Variants in SLC25A21 observed in about 807,000 individuals in gnomAD.
The protein encoded by SLC25A21 is solute carrier family 25 member 21.
SLC25A21 carries 47 observed loss-of-function variants against 43.8 expected under a neutral mutation model. The ratio of observed to expected loss-of-function variants is 1.07; its 90% CI spans 0.85 to 1.37. The LOEUF (loss-of-function observed/expected upper bound fraction) is 1.37, where lower values mean the gene tolerates loss of function less well. SLC25A21 is among the 40% of genes most tolerant of loss of function. The probability of loss-of-function intolerance (pLI) is 0.00; values close to 1 mark genes in which losing one functional copy is unlikely to be tolerated. For synonymous variants in SLC25A21, 131 were observed against 121.3 expected (o/e 1.08, Z -0.52); for missense variants, 352 against 350.2 (o/e 1.00, Z -0.04).
chr14:36,971,449 C>T lies in SLC25A21; in HGVS notation c.71-96445G>A, dbSNP rs570322095. On this transcript the variant is annotated intron_variant, in intron 1 of 9. Transcript: ENST00000331299. ...AAGATGGCGCTGGCCAAGTAGAAAGCCCATTTGCATAATAAGATTAGGGTG... is the reference window on the plus strand; with the variant it reads ...AAGATGGCGCTGGCCAAGTAGAAAGTCCATTTGCATAATAAGATTAGGGTG... Among the ~76,000 whole-genome samples the T allele has an allele frequency of 2.2e-4, 34 of 152,228 alleles. 1 individual carries two copies. The highest frequency in any genetic ancestry group is 7.7e-4 in the African/African-American group (32 of 41,534).
At chr14:37,089,935 T>G (rs1338737308) in intron 1 of SLC25A21, among the ~76,000 whole-genome samples, 1 of 152,198 alleles carries the variant, frequency 6.6e-6, no homozygotes, top group Non-Finnish European at 1.5e-5. Context: ...TGCCTGAAAT[T>G]ATGATGAATG....
chr14:36,969,037 G>C (rs1469596814), intron 1 of SLC25A21, among the ~76,000 whole-genome samples: 1 of 152,190 alleles, frequency 6.6e-6, no homozygotes, highest in Non-Finnish European at 1.5e-5. Flanking sequence ...TGAAGTTGCG[G>C]AGACATAAAA....
At chr14:36,883,785 A>C (rs1349472010) in intron 1 of SLC25A21, among the ~76,000 whole-genome samples, 1 of 152,194 alleles carries the variant, frequency 6.6e-6, no homozygotes, top group Non-Finnish European at 1.5e-5. Context: ...AGAATCCACG[A>C]TGATAATTTT....
intron 1 of SLC25A21, among the ~76,000 whole-genome samples, chr14:36,948,677 C>G (rs1183185134): frequency 6.6e-6 from 1 of 152,092 alleles, no homozygotes; most frequent in East Asian, 1.9e-4. Flanking sequence ...AGCCACTAGC[C>G]ACAAGTGGCA....
At chr14:36,920,460 C>T (rs2138623509) in intron 1 of SLC25A21, among the ~76,000 whole-genome samples, 1 of 152,052 alleles carries the variant, frequency 6.6e-6, no homozygotes, top group South Asian at 2.1e-4. Flanking sequence ...AACCTCTAAA[C>T]AAACTCATGT....
chr14:37,083,062 T>G (rs1962418824), intron 1 of SLC25A21, among the ~76,000 whole-genome samples: 1 of 152,348 alleles, frequency 6.6e-6, no homozygotes. Flanking sequence ...AAATCTATCC[T>G]AACTGACTTA....
At chr14:37,114,193 T>G (rs754065257) in intron 1 of SLC25A21, among the ~76,000 whole-genome samples, 29 of 152,212 alleles carry the variant, frequency 1.9e-4, no homozygotes, top group Non-Finnish European at 4.0e-4. Context: ...TTTGCATTCC[T>G]CTAAATATAT....
intron 1 of SLC25A21, among the ~76,000 whole-genome samples, chr14:37,026,457 GCCA>G (rs1425222300): frequency 6.6e-6 from 1 of 151,976 alleles, no homozygotes; most frequent in African/African-American, 2.4e-5. Flanking sequence ...GCTCCTTGTC[GCCA>G]CCAACTGTAA....
intron 1 of SLC25A21, among the ~76,000 whole-genome samples, chr14:37,114,936 G>A (rs530878519): frequency 6.6e-6 from 1 of 152,052 alleles, no homozygotes; most frequent in East Asian, 1.9e-4. Context: ...ATCCTCTTAT[G>A]TACATACCTA....
At chr14:36,919,622 CCTAT>C (rs3061765) in intron 1 of SLC25A21, among the ~76,000 whole-genome samples, 10,681 of 61,358 alleles carry the variant, frequency 0.17, 454 homozygotes, top group East Asian at 0.25. Context: ...TATCTATCTA[CCTAT>C]CTATCTATCT....
intron 5 of SLC25A21, among the ~76,000 whole-genome samples, chr14:36,726,628 C>A (rs1884612372): frequency 6.6e-6 from 1 of 152,168 alleles, no homozygotes; most frequent in African/African-American, 2.4e-5. Flanking sequence ...TAGAATTTTC[C>A]TCTAGGTAGA....
chr14:36,873,588 G>A (rs983835811), intron 2 of SLC25A21, among the ~76,000 whole-genome samples: 36 of 152,238 alleles, frequency 2.4e-4, no homozygotes, highest in Non-Finnish European at 2.9e-4. Flanking sequence ...GAGCCACCGC[G>A]CAGGGCCCCT....
chr14:37,124,234 T>C (rs986494167), intron 1 of SLC25A21, among the ~76,000 whole-genome samples: 2 of 152,104 alleles, frequency 1.3e-5, no homozygotes, highest in Non-Finnish European at 2.9e-5. Context: ...CTGAGCACTT[T>C]GAGAGCCACA....
At chr14:37,058,087 T>C (rs893829695) in intron 1 of SLC25A21, among the ~76,000 whole-genome samples, 2 of 152,198 alleles carry the variant, frequency 1.3e-5, no homozygotes, top group Non-Finnish European at 2.9e-5. Context: ...AGTCTATTGA[T>C]CCAAAACGTT....
chr14:36,864,494 G>T (rs959296403), intron 2 of SLC25A21, among the ~76,000 whole-genome samples: 1 of 152,158 alleles, frequency 6.6e-6, no homozygotes, highest in Admixed American at 6.5e-5. Context: ...CACCCACTAC[G>T]CAGTACTTTC....
At chr14:37,066,630 T>C (rs1962066378) in intron 1 of SLC25A21, among the ~76,000 whole-genome samples, 1 of 152,172 alleles carries the variant, frequency 6.6e-6, no homozygotes, top group Non-Finnish European at 1.5e-5. Context: ...AGGACCATGA[T>C]GTATGTAATT....
chr14:36,933,905 G>A lies in SLC25A21; in HGVS notation c.71-58901C>T, dbSNP rs574509423. ...TTCAGTTACTGTAAGGGAATACACA[G>A]TAGAGACAGATGAGAAGATTTTTGA... On this transcript the variant is annotated intron_variant, in intron 1 of 9. Transcript: ENST00000331299. Among the ~76,000 whole-genome samples, 66 of 152,218 alleles carry A rather than the reference G, an allele frequency of 4.3e-4. 1 individual carries two copies. The highest frequency in any genetic ancestry group is 1.5e-3 in the African/African-American group (61 of 41,540).
intron 3 of SLC25A21, among the ~76,000 whole-genome samples, chr14:36,735,343 A>C (rs916983936): frequency 6.6e-6 from 1 of 152,218 alleles, no homozygotes; most frequent in African/African-American, 2.4e-5. Flanking sequence ...TTAGAATTCA[A>C]AATTTTAAAT....
intron 7 of SLC25A21, among the ~76,000 whole-genome samples, chr14:36,708,797 C>G (rs1594510423): frequency 6.8e-6 from 1 of 146,876 alleles, no homozygotes; most frequent in South Asian, 2.2e-4. Context: ...GTTCCCCAGG[C>G]CTGTCTCAAC....
Sources: gnomAD v4.1 joint callset for allele counts (sites outside exome capture counted in the v4.1 genomes callset) on GRCh38, gnomAD v4.1.1 for gene constraint, MANE v1.5 for transcripts, NCBI Gene and HGNC (gene_info 2026-07-23, HGNC 2026-07-21) for gene names.